Variants in BTBD9 observed in about 807,000 individuals in gnomAD.
The protein encoded by BTBD9 is BTB/POZ domain-containing protein 9.
Under a neutral mutation model 64.3 loss-of-function variants are expected in BTBD9, and 49 were observed. That is an observed-to-expected ratio of 0.76 (90% confidence interval 0.61 to 0.97). The LOEUF (loss-of-function observed/expected upper bound fraction) is 0.97. Among genes scored for constraint, BTBD9 ranks in the 50% least tolerant of loss-of-function variants. The probability of loss-of-function intolerance (pLI) is 0.00; values close to 1 mark genes in which losing one functional copy is unlikely to be tolerated. For synonymous variants in BTBD9, 260 were observed against 274.7 expected, an observed-to-expected ratio of 0.95 and a Z score of 0.53; for missense variants, 598 against 762.1, an observed-to-expected ratio of 0.78 and a Z score of 2.53.
intron 6 of BTBD9, among the ~76,000 whole-genome samples, chr6:38,416,004 T>C (rs1767647868): frequency 1.3e-5 from 2 of 152,172 alleles, no homozygotes; most frequent in Admixed American, 1.3e-4. Context: ...TGGCTAGATG[T>C]AGCATCAAAA....
At chr6:38,186,679 G>A (rs926965589) in intron 10 of BTBD9, among the ~76,000 whole-genome samples, 2 of 152,136 alleles carry the variant, frequency 1.3e-5, no homozygotes, top group African/African-American at 2.4e-5. Flanking sequence ...ATATGACACA[G>A]CCTCTCTCCT....
intron 6 of BTBD9, among the ~76,000 whole-genome samples, chr6:38,494,297 C>A (rs1771843800): frequency 1.3e-5 from 2 of 152,164 alleles, no homozygotes; most frequent in Admixed American, 1.3e-4. Context: ...AACCATTTTT[C>A]TATTGCCAAA....
intron 8 of BTBD9, among the ~76,000 whole-genome samples, chr6:38,274,714 T>A (rs905359745): frequency 2.6e-5 from 4 of 152,194 alleles, no homozygotes; most frequent in African/African-American, 7.2e-5. Context: ...CAGCCTTGCA[T>A]CCCAGGGATG....
At chr6:38,327,011 G>A (rs1304800157) in intron 7 of BTBD9, among the ~76,000 whole-genome samples, 1 of 152,098 alleles carries the variant, frequency 6.6e-6, no homozygotes, top group Non-Finnish European at 1.5e-5. Flanking sequence ...TTTCATCACA[G>A]CTTCATGGAA....
At chr6:38,242,331 T>C (rs1212452984) in intron 9 of BTBD9, among the ~76,000 whole-genome samples, 1 of 152,210 alleles carries the variant, frequency 6.6e-6, no homozygotes, top group African/African-American at 2.4e-5. Context: ...TTACAGTACT[T>C]ACATATCTGA....
intron 6 of BTBD9, among the ~76,000 whole-genome samples, chr6:38,469,522 G>A (rs763161428): frequency 5.9e-5 from 9 of 151,904 alleles, no homozygotes; most frequent in Admixed American, 2.6e-4. Context: ...GGATTTTACC[G>A]TGTTAGTCAG....
chr6:38,486,723 T>C (rs1212822484), intron 6 of BTBD9, among the ~76,000 whole-genome samples: 3 of 152,196 alleles, frequency 2.0e-5, no homozygotes, highest in Non-Finnish European at 2.9e-5. Context: ...ATGAAAAGTT[T>C]TGAAATATTG....
chr6:38,563,582 T>C (rs1775342076), intron 6 of BTBD9, among the ~76,000 whole-genome samples: 1 of 151,972 alleles, frequency 6.6e-6, no homozygotes, highest in South Asian at 2.1e-4. Flanking sequence ...TACCACAAGC[T>C]CTTTAACGTG....
At chr6:38,189,524 C>T (rs948911345) in intron 10 of BTBD9, among the ~76,000 whole-genome samples, 4 of 152,178 alleles carry the variant, frequency 2.6e-5, no homozygotes, top group Admixed American at 2.6e-4. Context: ...GGGTCTCACT[C>T]TGCTGCCCAG....
chr6:38,547,981 G>T (rs571703662), intron 6 of BTBD9, among the ~76,000 whole-genome samples: 2 of 152,180 alleles, frequency 1.3e-5, no homozygotes, highest in East Asian at 3.9e-4. Context: ...TGAAAATTTT[G>T]CTAGGTTCTA....
chr6:38,374,312 T>C lies in BTBD9; in HGVS notation c.1155-29219A>G, dbSNP rs1437528881. On this transcript the variant is annotated intron_variant, in intron 6 of 10. Transcript: ENST00000481247. ...ATATATATATGTATATATATGTATATATATATATATATATGTATATAAAAT... is the reference window on the plus strand; with the variant it reads ...ATATATATATGTATATATATGTATACATATATATATATATGTATATAAAAT... 4.1e-4 allele frequency among the ~76,000 whole-genome samples: 48 copies of C among 117,238 alleles called. 8 individuals carry two copies. Among genetic ancestry groups the C allele is most frequent in the African/African-American group, 1.3e-3 (37 of 28,466 alleles). 76.9% of individuals were successfully genotyped at this position (117,238 alleles called of 152,430 possible). A position where few individuals can be genotyped will look rare whatever the true frequency, so the allele number is the denominator to read the frequency against.
At chr6:38,518,269 G>C (rs1773128668) in intron 6 of BTBD9, among the ~76,000 whole-genome samples, 2 of 151,846 alleles carry the variant, frequency 1.3e-5, no homozygotes, top group African/African-American at 2.4e-5. Flanking sequence ...CTTACTAATT[G>C]TATCAGTCCT....
chr6:38,513,817 G>C (rs1772888703), intron 6 of BTBD9, among the ~76,000 whole-genome samples: 1 of 152,166 alleles, frequency 6.6e-6, no homozygotes, highest in Non-Finnish European at 1.5e-5. Flanking sequence ...TACCAGTGCA[G>C]TGTTCACTTA....
intron 6 of BTBD9, among the ~76,000 whole-genome samples, chr6:38,516,639 T>A (rs1212623774): frequency 6.6e-6 from 1 of 152,150 alleles, no homozygotes; most frequent in African/African-American, 2.4e-5. Context: ...AAGCAGGAAA[T>A]CTCAGGCTTA....
intron 8 of BTBD9, among the ~76,000 whole-genome samples, chr6:38,284,953 G>A (rs540778111): frequency 5.0e-4 from 76 of 151,838 alleles, no homozygotes; most frequent in Admixed American, 1.4e-3. Flanking sequence ...TGCTCTTATC[G>A]CTGGATAGGC....
chr6:38,265,696 T>G (rs1764948285), intron 8 of BTBD9, among the ~76,000 whole-genome samples: 1 of 152,030 alleles, frequency 6.6e-6, no homozygotes, highest in African/African-American at 2.4e-5. Flanking sequence ...TTTTTGTATT[T>G]TTTTGTAGAG....
In BTBD9 at chr6:38,173,061, G is replaced by C. The variant is rs1478736840; in HGVS notation, c.*1924C>G. On this transcript the variant is annotated 3_prime_UTR_variant, in exon 11 of 11. Transcript: ENST00000481247. Reference sequence around the variant, plus strand: ...TGCCCATGTTTAAAAAGAAGCATGTGAATGGCTCATTTCAAAATGTTTGAA... The same window carrying C: ...TGCCCATGTTTAAAAAGAAGCATGTCAATGGCTCATTTCAAAATGTTTGAA... 2 of 152,302 alleles carry C rather than the reference G, an allele frequency of 1.3e-5. No individual in the cohort carries two copies. The highest frequency in any genetic ancestry group is 2.9e-5 in the Non-Finnish European group (2 of 68,084). 9.4% of individuals were successfully genotyped at this position (152,302 alleles called of 1,614,324 possible). A position where few individuals can be genotyped will look rare whatever the true frequency, so the allele number is the denominator to read the frequency against.
intron 6 of BTBD9, among the ~76,000 whole-genome samples, chr6:38,506,072 C>A (rs1342257653): frequency 4.0e-5 from 6 of 151,634 alleles, no homozygotes; most frequent in African/African-American, 1.5e-4. Flanking sequence ...GTAAGTGGTG[C>A]CACCATCTAT....
chr6:38,544,029 G>A (rs558342993), intron 6 of BTBD9, among the ~76,000 whole-genome samples: 1 of 151,474 alleles, frequency 6.6e-6, no homozygotes, highest in African/African-American at 2.4e-5. Flanking sequence ...ACAAAAGTTA[G>A]TAAATTATAT....
Sources: gnomAD v4.1 joint callset for allele counts (sites outside exome capture counted in the v4.1 genomes callset) on GRCh38, gnomAD v4.1.1 for gene constraint, MANE v1.5 for transcripts, NCBI Gene and HGNC (gene_info 2026-07-23, HGNC 2026-07-21) for gene names.